BTRC: variants seen among roughly 807,000 people sequenced by gnomAD.
BTRC encodes the protein F-box/WD repeat-containing protein 1A.
BTRC carries 42 observed loss-of-function variants against 85.5 expected under a neutral mutation model. The ratio of observed to expected loss-of-function variants is 0.49; its 90% CI spans 0.38 to 0.64. The LOEUF (loss-of-function observed/expected upper bound fraction) is 0.64, where lower values mean the gene tolerates loss of function less well. Ranked by LOEUF, BTRC falls within the 30% of genes least tolerant of loss-of-function variation. The pLI, the probability that BTRC is intolerant of heterozygous loss-of-function variation, is 0.00. For missense variants in BTRC, 594 were observed against 743.5 expected (o/e 0.80, Z 2.34); for synonymous variants, 255 against 263.3 (o/e 0.97, Z 0.30).
In BTRC at chr10:101,488,801, G is replaced by T. The variant is rs959144996; in HGVS notation, c.324+9344G>T. Among the ~76,000 whole-genome samples the T allele has an allele frequency of 4.6e-5, 7 of 152,178 alleles. 1 individual carries two copies. In the South Asian group the frequency reaches 8.3e-4, roughly 18 times the overall value. ...TTGAAGTACTAATATGCAAAAGCTG[G>T]TTACCAGGTACCCACCTGGGTACAG... On this transcript the variant is annotated intron_variant, in intron 4 of 14. Coordinates refer to ENST00000370187, the MANE Select transcript of BTRC (RefSeq NM_033637.4).
intron 5 of BTRC, among the ~76,000 whole-genome samples, chr10:101,525,588 A>G (rs1476188546): frequency 6.6e-6 from 1 of 152,178 alleles, no homozygotes; most frequent in Non-Finnish European, 1.5e-5. Context: ...CAGCTTTGGA[A>G]CTACAGCAGT....
chr10:101,426,251 GATTA>G (rs965591425), intron 1 of BTRC, among the ~76,000 whole-genome samples: 4 of 152,118 alleles, frequency 2.6e-5, no homozygotes, highest in South Asian at 2.1e-4. Context: ...GTATAGATAA[GATTA>G]ATTGTTACAA....
intron 4 of BTRC, among the ~76,000 whole-genome samples, chr10:101,516,929 T>C (rs183246837): frequency 6.2e-4 from 95 of 152,288 alleles, no homozygotes; most frequent in Non-Finnish European, 1.2e-3. Context: ...AAAGGGTGCA[T>C]TTTAAAAGGC....
chr10:101,486,498 C>T lies in BTRC; in HGVS notation c.324+7041C>T, dbSNP rs980223383. ...AACAGCAAGAAGGGCATACTCTTGCCGTCACATTACCTAGGAATCTTAGTG... is the reference window on the plus strand; with the variant it reads ...AACAGCAAGAAGGGCATACTCTTGCTGTCACATTACCTAGGAATCTTAGTG... On this transcript the variant is annotated intron_variant, in intron 4 of 14. Coordinates refer to ENST00000370187, the MANE Select transcript of BTRC (RefSeq NM_033637.4). 5.9e-5 allele frequency among the ~76,000 whole-genome samples: 9 copies of T among 151,548 alleles called. No individual in the cohort carries two copies. In the East Asian group the frequency reaches 7.8e-4, roughly 13 times the overall value.
chr10:101,519,806 A>C (rs1489707029), intron 4 of BTRC, among the ~76,000 whole-genome samples: 1 of 151,830 alleles, frequency 6.6e-6, no homozygotes. Context: ...GAACAGCCTG[A>C]CCAACATGGA....
intron 4 of BTRC, among the ~76,000 whole-genome samples, chr10:101,490,612 C>T (rs1422255734): frequency 6.6e-6 from 1 of 152,168 alleles, no homozygotes; most frequent in Non-Finnish European, 1.5e-5. Flanking sequence ...CTTCCCCCAT[C>T]GCATTGTGTA....
At chr10:101,481,697 G>T (rs1299485982) in intron 4 of BTRC, among the ~76,000 whole-genome samples, 3 of 152,012 alleles carry the variant, frequency 2.0e-5, no homozygotes, top group African/African-American at 7.3e-5. Flanking sequence ...TTTGCTCATT[G>T]CTGCTCATCA....
intron 3 of BTRC, among the ~76,000 whole-genome samples, chr10:101,470,052 G>A (rs9419911): frequency 0.15 from 22,372 of 152,078 alleles, 2,021 homozygotes; most frequent in Middle Eastern, 0.26. Context: ...AAGGTTTTTG[G>A]TGAGCATATG....
chr10:101,509,088 G>T (rs1487385767), intron 4 of BTRC, among the ~76,000 whole-genome samples: 1 of 151,812 alleles, frequency 6.6e-6, no homozygotes, highest in Non-Finnish European at 1.5e-5. Context: ...GCCCTTCGGG[G>T]TTCCTTTTCT....
At chr10:101,436,733 G>A (rs1430541101) in intron 2 of BTRC, among the ~76,000 whole-genome samples, 2 of 152,108 alleles carry the variant, frequency 1.3e-5, no homozygotes, top group East Asian at 1.9e-4. Context: ...AAAATCTTGA[G>A]CTAAGTGAAA....
chr10:101,512,615 T>G (rs1321759161), intron 4 of BTRC, among the ~76,000 whole-genome samples: 1 of 152,200 alleles, frequency 6.6e-6, no homozygotes, highest in Non-Finnish European at 1.5e-5. Context: ...TAGTTGATGA[T>G]CAAGCCAGTT....
intron 4 of BTRC, among the ~76,000 whole-genome samples, chr10:101,507,024 T>C (rs1365281182): frequency 6.6e-6 from 1 of 152,230 alleles, no homozygotes. Flanking sequence ...TGCCTATATA[T>C]GCTGACTGAA....
At chr10:101,384,382 C>G (rs988056037) in intron 1 of BTRC, among the ~76,000 whole-genome samples, 5 of 152,210 alleles carry the variant, frequency 3.3e-5, no homozygotes, top group Admixed American at 6.5e-5. Context: ...AGTTTAATTT[C>G]ACGCCCTGAT....
chr10:101,445,605 A>G (rs1050618805), intron 2 of BTRC, among the ~76,000 whole-genome samples: 7 of 152,140 alleles, frequency 4.6e-5, no homozygotes, highest in Admixed American at 6.5e-5. Context: ...CGGTCTGTCT[A>G]TTGGTCTCTT....
chr10:101,386,260 G>T (rs1943076725), intron 1 of BTRC, among the ~76,000 whole-genome samples: 1 of 152,154 alleles, frequency 6.6e-6, no homozygotes, highest in Non-Finnish European at 1.5e-5. Context: ...CAAATGCCCA[G>T]CAAGGTCAGT....
intron 13 of BTRC, among the ~76,000 whole-genome samples, chr10:101,543,615 CT>C (rs60958588): frequency 1.8e-4 from 26 of 147,142 alleles, no homozygotes; most frequent in Admixed American, 1.6e-3. Context: ...TTTTCATGCT[CT>C]TTTTTTTTTC....
chr10:101,433,137 G>C (rs1300809273), intron 2 of BTRC, among the ~76,000 whole-genome samples: 1 of 152,032 alleles, frequency 6.6e-6, no homozygotes, highest in East Asian at 1.9e-4. Context: ...TCCTTTCTTT[G>C]GTGAAGAGTA....
intron 1 of BTRC, among the ~76,000 whole-genome samples, chr10:101,398,500 T>C (rs1280320830): frequency 6.6e-6 from 1 of 152,120 alleles, no homozygotes; most frequent in African/African-American, 2.4e-5. Context: ...AGACTGGGTT[T>C]CATCGTGTTA....
chr10:101,429,070 A>ATGACAAT (rs1203013502), intron 1 of BTRC, among the ~76,000 whole-genome samples: 1 of 152,214 alleles, frequency 6.6e-6, no homozygotes, highest in African/African-American at 2.4e-5. Context: ...AAAAAAGTCT[A>ATGACAAT]TGACAATATA....
Sources: allele counts gnomAD v4.1 joint callset (sites outside exome capture counted in the v4.1 genomes callset), GRCh38; gene constraint gnomAD v4.1.1; transcripts MANE v1.5; gene names NCBI Gene and HGNC (gene_info 2026-07-23, HGNC 2026-07-21).